SLC10A7: variants seen among roughly 807,000 people sequenced by gnomAD.
SLC10A7 encodes the protein sodium/bile acid cotransporter 7.
A neutral mutation model predicts 43.2 loss-of-function variants in SLC10A7; 29 were observed. The ratio of observed to expected loss-of-function variants is 0.67; its 90% CI spans 0.50 to 0.92. The LOEUF is 0.92. SLC10A7 is among the 40% of genes least tolerant of loss of function. SLC10A7 has a pLI of 0.00. For missense variants in SLC10A7, 295 were observed against 403.2 expected (o/e 0.73, Z 2.30); for synonymous variants, 152 against 144.8 (o/e 1.05, Z -0.35).
At chr4:146,290,100 G>A (rs747159155) in intron 9 of SLC10A7, among the ~76,000 whole-genome samples, 83 of 150,354 alleles carry the variant, frequency 5.5e-4, no homozygotes, top group Non-Finnish European at 3.1e-4. Flanking sequence ...CAAGGTGGGC[G>A]GATCACAAGG....
chr4:146,262,680 A>AC (rs1157304009), intron 10 of SLC10A7, among the ~76,000 whole-genome samples: 2 of 152,144 alleles, frequency 1.3e-5, no homozygotes, highest in African/African-American at 4.8e-5. Flanking sequence ...GCGTGATTTG[A>AC]CCTAACCCTG....
chr4:146,469,761 T>G (rs1055693340), intron 4 of SLC10A7, among the ~76,000 whole-genome samples: 1 of 152,090 alleles, frequency 6.6e-6, no homozygotes, highest in Non-Finnish European at 1.5e-5. Flanking sequence ...CCCGAGTAGT[T>G]TGGACCACAG....
Position 146,258,776 on chromosome 4 carries a change from G to A in SLC10A7, c.909C>T (p.Pro303=). The change falls in exon 11 of 12, where the codon CCC becomes CCT. Residue 303 remains proline (P), a synonymous_variant. Coordinates refer to ENST00000335472, the MANE Select transcript of SLC10A7 (RefSeq NM_001029998.6). Reference sequence around the variant, plus strand: ...TCTGAGCTGGGTGGTAGATGAGCAAGGGTACAGATATTAAAGAGAGATGCT... The same window carrying A: ...TCTGAGCTGGGTGGTAGATGAGCAAAGGTACAGATATTAAAGAGAGATGCT... ...GHEHLSLISV[P]LLIYHPAQIL... is the part of the protein sequence containing the mutation. 1 of 1,610,392 alleles carries A rather than the reference G, an allele frequency of 6.2e-7. No homozygotes were observed. Among genetic ancestry groups the A allele is most frequent in the African/African-American group, 1.3e-5 (1 of 74,826 alleles).
chr4:146,451,036 C>A, intron 4 of SLC10A7, among the ~76,000 whole-genome samples: 1 of 150,688 alleles, frequency 6.6e-6, no homozygotes, highest in African/African-American at 2.4e-5. Context: ...AAAAACCAGA[C>A]AGATTAAAGA....
intron 4 of SLC10A7, among the ~76,000 whole-genome samples, chr4:146,477,069 A>G (rs1734089995): frequency 6.6e-6 from 1 of 152,248 alleles, no homozygotes; most frequent in African/African-American, 2.4e-5. Context: ...AACTGCTCCT[A>G]GGAGCTTCAT....
chr4:146,457,170 AT>A (rs1560926864), intron 4 of SLC10A7, among the ~76,000 whole-genome samples: 1 of 151,868 alleles, frequency 6.6e-6, no homozygotes, highest in African/African-American at 2.4e-5. Flanking sequence ...TAATTTTCAT[AT>A]CTTGAAATTT....
At chr4:146,425,710 C>A (rs1407289525) in intron 5 of SLC10A7, among the ~76,000 whole-genome samples, 1 of 152,102 alleles carries the variant, frequency 6.6e-6, no homozygotes, top group African/African-American at 2.4e-5. Context: ...GGGAAACCAG[C>A]CAGCAATGGA....
intron 6 of SLC10A7, among the ~76,000 whole-genome samples, chr4:146,306,342 T>C (rs1349271364): frequency 6.6e-6 from 1 of 152,168 alleles, no homozygotes; most frequent in Admixed American, 6.6e-5. Context: ...GGTTATGTGA[T>C]TTTTATTTCA....
At chr4:146,510,104 G>A (rs1737314187) in intron 2 of SLC10A7, 55 bp from the exon 3 acceptor site, 4 of 1,520,664 alleles carry the variant, frequency 2.6e-6, no homozygotes, top group African/African-American at 2.8e-5. Context: ...TTCCTGAAAG[G>A]AGATCCCTAC....
chr4:146,428,738 T>A (rs1171137847), intron 5 of SLC10A7, among the ~76,000 whole-genome samples: 1 of 152,154 alleles, frequency 6.6e-6, no homozygotes, highest in African/African-American at 2.4e-5. Flanking sequence ...TTAAAGTATG[T>A]ATTTCACAAG....
chr4:146,380,988 A>G (rs1208072769), intron 5 of SLC10A7, among the ~76,000 whole-genome samples: 1 of 152,134 alleles, frequency 6.6e-6, no homozygotes, highest in East Asian at 1.9e-4. Context: ...CATTTTACAG[A>G]ATTTTAAAAT....
intron 4 of SLC10A7, among the ~76,000 whole-genome samples, chr4:146,497,036 T>A (rs530567876): frequency 9.8e-5 from 15 of 152,346 alleles, no homozygotes; most frequent in African/African-American, 3.6e-4. Context: ...ACACCCTTTT[T>A]ATAGCTACGA....
chr4:146,446,575 CAAAAAAAAAA>C (rs11300760), intron 4 of SLC10A7, among the ~76,000 whole-genome samples: 5 of 128,078 alleles, frequency 3.9e-5, no homozygotes, highest in African/African-American at 1.5e-4. Context: ...GACCCTGTCT[CAAAAAAAAAA>C]AAAAAAATGA....
chr4:146,306,236 T>C (rs898916042), intron 6 of SLC10A7, among the ~76,000 whole-genome samples: 6 of 152,144 alleles, frequency 3.9e-5, no homozygotes, highest in African/African-American at 1.4e-4. Context: ...AAAATATTGA[T>C]TTGCAATCAA....
intron 2 of SLC10A7, among the ~76,000 whole-genome samples, chr4:146,512,530 A>G (rs1428954741): frequency 6.6e-6 from 1 of 152,170 alleles, no homozygotes; most frequent in Non-Finnish European, 1.5e-5. Flanking sequence ...ATCTAATTGG[A>G]GTGTTATGAG....
chr4:146,354,557 C>T (rs1367480953), intron 5 of SLC10A7, among the ~76,000 whole-genome samples: 4 of 147,182 alleles, frequency 2.7e-5, no homozygotes, highest in Non-Finnish European at 4.5e-5. Flanking sequence ...TCATATGGAA[C>T]CAAAAAAGAG....
intron 4 of SLC10A7, among the ~76,000 whole-genome samples, chr4:146,467,528 C>A (rs1353650142): frequency 2.0e-5 from 3 of 146,942 alleles, no homozygotes; most frequent in Non-Finnish European, 3.0e-5. Context: ...TACTCCTTAG[C>A]ATGTTTTTTT....
At chr4:146,415,336 G>T (rs1414334585) in intron 5 of SLC10A7, among the ~76,000 whole-genome samples, 1 of 152,138 alleles carries the variant, frequency 6.6e-6, no homozygotes, top group Non-Finnish European at 1.5e-5. Context: ...CAAACCCCTT[G>T]AACTTTCTGA....
chr4:146,279,512 A>G (rs1729412761), intron 10 of SLC10A7, among the ~76,000 whole-genome samples: 1 of 152,182 alleles, frequency 6.6e-6, no homozygotes, highest in Non-Finnish European at 1.5e-5. Context: ...TTATTACATA[A>G]AAATTGCCAT....
Sources: allele counts gnomAD v4.1 joint callset (sites outside exome capture counted in the v4.1 genomes callset), GRCh38; gene constraint gnomAD v4.1.1; transcripts MANE v1.5; gene names NCBI Gene and HGNC (gene_info 2026-07-23, HGNC 2026-07-21).